The following PTPRD variants were observed in gnomAD, a reference collection of about 807,000 sequenced individuals.
PTPRD encodes the protein protein tyrosine phosphatase receptor type D.
PTPRD carries 34 observed loss-of-function variants against 214.5 expected under a neutral mutation model. That is an observed-to-expected ratio of 0.16 (90% confidence interval 0.12 to 0.21). The LOEUF (loss-of-function observed/expected upper bound fraction) is 0.21, where lower values mean the gene tolerates loss of function less well. Among genes scored for constraint, PTPRD ranks in the 10% least tolerant of loss-of-function variants. PTPRD has a pLI of 1.00. For synonymous variants in PTPRD, 1,128 were observed against 845.7 expected, an observed-to-expected ratio of 1.33 and a Z score of -5.79; for missense variants, 2,545 against 2,398.7, an observed-to-expected ratio of 1.06 and a Z score of -1.27.
At chr9:9,039,505 G>C (rs1590276525) in intron 10 of PTPRD, among the ~76,000 whole-genome samples, 1 of 152,132 alleles carries the variant, frequency 6.6e-6, no homozygotes, top group Non-Finnish European at 1.5e-5. Context: ...TCCTGCTTTT[G>C]TAAATAAGGT....
chr9:10,406,117 T>C (rs1489775208), intron 2 of PTPRD, among the ~76,000 whole-genome samples: 1 of 151,346 alleles, frequency 6.6e-6, no homozygotes, highest in African/African-American at 2.4e-5. Flanking sequence ...AGCTGAGAAA[T>C]ATTGAATAAA....
intron 5 of PTPRD, among the ~76,000 whole-genome samples, chr9:9,780,048 G>C (rs1303964551): frequency 1.3e-5 from 2 of 152,132 alleles, no homozygotes; most frequent in East Asian, 1.9e-4. Flanking sequence ...TTTTTAAAGA[G>C]ATACATATAC....
intron 11 of PTPRD, among the ~76,000 whole-genome samples, chr9:8,853,666 C>A (rs1261788722): frequency 6.6e-6 from 1 of 152,194 alleles, no homozygotes; most frequent in Non-Finnish European, 1.5e-5. Context: ...TCCACATTAT[C>A]AGATTTCTTC....
chr9:8,882,243 G>T (rs986151057), intron 11 of PTPRD, among the ~76,000 whole-genome samples: 4 of 152,152 alleles, frequency 2.6e-5, no homozygotes, highest in Admixed American at 2.6e-4. Flanking sequence ...TCCTGGATTA[G>T]ATTTATTTTT....
At chr9:10,357,310 G>A (rs182448896) in intron 2 of PTPRD, among the ~76,000 whole-genome samples, 221 of 152,228 alleles carry the variant, frequency 1.5e-3, no homozygotes, top group African/African-American at 5.2e-3. Context: ...ACATTTTTGA[G>A]CACTCTTTAC....
At chr9:9,535,977 A>AT (rs2076442116) in intron 8 of PTPRD, among the ~76,000 whole-genome samples, 1 of 152,056 alleles carries the variant, frequency 6.6e-6, no homozygotes, top group South Asian at 2.1e-4. Context: ...TCTTGTTCCT[A>AT]ACCAAGAAAG....
chr9:9,949,913 A>C lies in PTPRD; in HGVS notation c.-471-11303T>G, dbSNP rs111606300. Among the ~76,000 whole-genome samples the C allele has an allele frequency of 5.4e-3, 817 of 152,290 alleles. 9 individuals are homozygous for C. Among genetic ancestry groups the C allele is most frequent in the African/African-American group, 0.019 (785 of 41,562 alleles). ...GGCTCTTCTGAAGCCAGTATTATCA[A>C]AAAATTTGTTTGTAGGGTCAATAAA... On this transcript the variant is annotated intron_variant, in intron 4 of 45. Coordinates refer to ENST00000381196, the MANE Select transcript of PTPRD (RefSeq NM_002839.4).
intron 7 of PTPRD, among the ~76,000 whole-genome samples, chr9:9,614,802 T>G (rs913011947): frequency 1.3e-5 from 2 of 152,192 alleles, no homozygotes; most frequent in African/African-American, 4.8e-5. Context: ...ACACAGTATT[T>G]GAACACATTT....
intron 11 of PTPRD, among the ~76,000 whole-genome samples, chr9:8,856,997 C>G (rs768584130): frequency 6.6e-6 from 1 of 152,154 alleles, no homozygotes; most frequent in African/African-American, 2.4e-5. Flanking sequence ...ACAACTTTGA[C>G]TCTTCATTAT....
chr9:9,124,468 A>C (rs2099822746), intron 10 of PTPRD, among the ~76,000 whole-genome samples: 1 of 152,208 alleles, frequency 6.6e-6, no homozygotes, highest in Non-Finnish European at 1.5e-5. Flanking sequence ...AGACAGACTG[A>C]AATTAGACCA....
intron 10 of PTPRD, among the ~76,000 whole-genome samples, chr9:9,133,762 G>A (rs28567443): frequency 6.6e-6 from 1 of 152,202 alleles, no homozygotes; most frequent in Admixed American, 6.5e-5. Flanking sequence ...TTTTTATCAG[G>A]AGAAACAGCA....
At chr9:9,541,535 C>T (rs1385370381) in intron 8 of PTPRD, among the ~76,000 whole-genome samples, 1 of 151,842 alleles carries the variant, frequency 6.6e-6, no homozygotes, top group African/African-American at 2.4e-5. Flanking sequence ...GTTTAAGCCA[C>T]TGGTTTCATA....
chr9:10,044,793 G>T (rs1365379805), intron 3 of PTPRD, among the ~76,000 whole-genome samples: 1 of 151,614 alleles, frequency 6.6e-6, no homozygotes, highest in Non-Finnish European at 1.5e-5. Flanking sequence ...ACCTTCAGAA[G>T]CTATGGGATA....
At chr9:9,694,690 G>A (rs2097338361) in intron 7 of PTPRD, among the ~76,000 whole-genome samples, 1 of 152,144 alleles carries the variant, frequency 6.6e-6, no homozygotes. Context: ...ACCACACCAA[G>A]TCCTTCCCAC....
At chr9:8,663,432 T>C (rs2097105724) in intron 12 of PTPRD, among the ~76,000 whole-genome samples, 1 of 148,188 alleles carries the variant, frequency 6.7e-6, no homozygotes, top group South Asian at 2.1e-4. Context: ...GGAAATTTTG[T>C]TCTGCATGTG....
intron 36 of PTPRD, among the ~76,000 whole-genome samples, chr9:8,391,811 T>G (rs2089672169): frequency 6.6e-6 from 1 of 152,098 alleles, no homozygotes; most frequent in Non-Finnish European, 1.5e-5. Flanking sequence ...GTCTGAACAA[T>G]GCATCTGAGG....
chr9:9,902,892 A>AT (rs1352732592), intron 5 of PTPRD, among the ~76,000 whole-genome samples: 2 of 152,204 alleles, frequency 1.3e-5, no homozygotes, highest in Non-Finnish European at 2.9e-5. Flanking sequence ...CATTTTCTAC[A>AT]TTTTTTTGTT....
chr9:9,621,984 GA>G (rs1482259912), intron 7 of PTPRD, among the ~76,000 whole-genome samples: 1 of 152,150 alleles, frequency 6.6e-6, no homozygotes, highest in African/African-American at 2.4e-5. Context: ...CGGAGGCGAG[GA>G]GACCTGGTCA....
intron 9 of PTPRD, among the ~76,000 whole-genome samples, chr9:9,271,350 G>A (rs951092711): frequency 1.3e-5 from 2 of 148,942 alleles, no homozygotes; most frequent in African/African-American, 2.5e-5. Flanking sequence ...GGAAAAGTAC[G>A]TTCACCTTCT....
Sources: allele counts gnomAD v4.1 joint callset (sites outside exome capture counted in the v4.1 genomes callset), GRCh38; gene constraint gnomAD v4.1.1; transcripts MANE v1.5; gene names NCBI Gene and HGNC (gene_info 2026-07-23, HGNC 2026-07-21).